The following FAM135A variants were observed in gnomAD, a reference collection of about 807,000 sequenced individuals.
FAM135A encodes family with sequence similarity 135 member A, also known as protein FAM135A.
A neutral mutation model predicts 146.8 loss-of-function variants in FAM135A; 79 were observed. That is an observed-to-expected ratio of 0.54 (90% CI 0.45 to 0.65). The LOEUF (loss-of-function observed/expected upper bound fraction) is 0.65. Ranked by LOEUF, FAM135A falls within the 30% of genes least tolerant of loss-of-function variation. The probability of loss-of-function intolerance (pLI) is 0.00; values close to 1 mark genes in which losing one functional copy is unlikely to be tolerated. For synonymous variants in FAM135A, 562 were observed against 603.6 expected (o/e 0.93, Z 1.01); for missense variants, 1,623 against 1,758.2 (o/e 0.92, Z 1.38).
intron 4 of FAM135A, among the ~76,000 whole-genome samples, chr6:70,430,819 GT>G (rs1253575796): frequency 1.3e-5 from 2 of 152,130 alleles, no homozygotes; most frequent in Non-Finnish European, 2.9e-5. Context: ...GCAAGTTCTA[GT>G]TGCTCTAGAT....
In FAM135A at chr6:70,552,073, G is replaced by C. The variant is rs1483679151; in HGVS notation, c.4229-4677G>C. ...AGTAAAGCAAAGTATAGTTAAACAAGGTATACCTGTATAAAACTGATTGCT... is the reference window on the plus strand; with the variant it reads ...AGTAAAGCAAAGTATAGTTAAACAACGTATACCTGTATAAAACTGATTGCT... On this transcript the variant is annotated intron_variant, in intron 20 of 21. Transcript: ENST00000418814. Among the ~76,000 whole-genome samples the C allele has an allele frequency of 3.9e-5, 6 of 152,134 alleles. No homozygotes were observed. The East Asian group carries it at 1.2e-3, about 29-fold the overall frequency.
At chr6:70,522,328 CT>C (rs936648550) in intron 12 of FAM135A, among the ~76,000 whole-genome samples, 184 bp from the exon 13 acceptor site, 18 of 151,864 alleles carry the variant, frequency 1.2e-4, no homozygotes, top group Admixed American at 1.1e-3. Flanking sequence ...TTTATATATG[CT>C]TTCCAGATTT....
intron 20 of FAM135A, among the ~76,000 whole-genome samples, chr6:70,540,655 C>G (rs998109122): frequency 6.6e-6 from 1 of 152,116 alleles, no homozygotes; most frequent in African/African-American, 2.4e-5. Flanking sequence ...AAGTCTCCCT[C>G]CCGTTCATGG....
rs143099081 is a variant in FAM135A, at chr6:70,444,569, GAAAA to G, written c.78-7921_78-7918del. Among the ~76,000 whole-genome samples the G allele has an allele frequency of 4.1e-3, 619 of 151,674 alleles. 3 individuals are homozygous for G. Among genetic ancestry groups the G allele is most frequent in the African/African-American group, 0.014 (599 of 41,400 alleles). Reference sequence around the variant, plus strand: ...GACAGAGTGAGACCTGTCTCAATAAGAAAAAGAATAAAAGAAAAAAATTTATTTA... The same window carrying G: ...GACAGAGTGAGACCTGTCTCAATAAGAGAATAAAAGAAAAAAATTTATTTA... On this transcript the variant is annotated intron_variant, in intron 4 of 21. Coordinates refer to ENST00000418814, the MANE Select transcript of FAM135A (RefSeq NM_001162529.3).
At position 70,560,148 on chromosome 6, in the gene FAM135A, A is replaced by T; in HGVS notation, c.*227A>T. The T allele has an allele frequency of 2.3e-6, 1 of 428,832 alleles. No homozygotes were observed. Among genetic ancestry groups the T allele is most frequent in the South Asian group, 3.2e-5 (1 of 31,708 alleles). The allele number at this position is 428,832 out of a possible 1,614,324, so 26.6% of individuals were successfully genotyped here. A position where few individuals can be genotyped will look rare whatever the true frequency, so the allele number is the denominator to read the frequency against. On this transcript the variant is annotated 3_prime_UTR_variant, in exon 22 of 22. Transcript: ENST00000418814. Reference sequence around the variant, plus strand: ...AATTTTATCTTTTTACTTTTCTATTACTTTTTCATATATTTTGCTACCTAA... The same window carrying T: ...AATTTTATCTTTTTACTTTTCTATTTCTTTTTCATATATTTTGCTACCTAA...
chr6:70,452,292 G>A (rs546145788), intron 4 of FAM135A, among the ~76,000 whole-genome samples, 200 bp from the exon 5 acceptor site: 115 of 151,740 alleles, frequency 7.6e-4, no homozygotes, highest in South Asian at 3.3e-3. Context: ...TATATATACT[G>A]GGTTTCTCTT....
At chr6:70,542,276 A>ACACACACACACACACACCCC (rs1242891663) in intron 20 of FAM135A, among the ~76,000 whole-genome samples, 4 of 149,014 alleles carry the variant, frequency 2.7e-5, no homozygotes, top group African/African-American at 9.9e-5. Context: ...ACACACACAC[A>ACACACACACACACACACCCC]CCCTTTGCTG....
intron 20 of FAM135A, among the ~76,000 whole-genome samples, chr6:70,555,729 G>C (rs1277744034): frequency 1.4e-5 from 2 of 141,690 alleles, no homozygotes; most frequent in African/African-American, 3.1e-5. Context: ...TGAGAATGAA[G>C]GGGGGGGAGT....
chr6:70,513,434 A>G (rs1260510280), intron 12 of FAM135A: 4 of 148,424 alleles, frequency 2.7e-5, no homozygotes, highest in African/African-American at 9.9e-5. Context: ...AGTTTACATT[A>G]AGTAAAATCT....
intron 7 of FAM135A, 139 bp downstream of exon 7, chr6:70,475,872 G>T: frequency 3.0e-6 from 2 of 669,912 alleles, no homozygotes; most frequent in Non-Finnish European, 4.9e-6. Flanking sequence ...GAAACTTCAT[G>T]AGAATGATTA....
intron 10 of FAM135A, 79 bp from the exon 11 acceptor site, chr6:70,490,955 C>T: frequency 2.0e-6 from 2 of 1,023,158 alleles, no homozygotes; most frequent in Non-Finnish European, 2.8e-6. Flanking sequence ...TCTTAATTTT[C>T]AGTTTTTTAT....
chr6:70,492,757 A>G, intron 11 of FAM135A, among the ~76,000 whole-genome samples: 1 of 151,760 alleles, frequency 6.6e-6, no homozygotes. Flanking sequence ...ACTGGAAACC[A>G]GGGGAATGCA....
At chr6:70,529,935 G>A (rs921339377) in intron 16 of FAM135A, among the ~76,000 whole-genome samples, 3 of 152,106 alleles carry the variant, frequency 2.0e-5, no homozygotes, top group African/African-American at 2.4e-5. Context: ...GTGGTGGCGG[G>A]CGCCTGTAGT....
intron 12 of FAM135A, among the ~76,000 whole-genome samples, chr6:70,511,130 T>C (rs577677510): frequency 1.3e-3 from 193 of 152,102 alleles, no homozygotes; most frequent in Non-Finnish European, 2.3e-3. Context: ...AATTGGGTTG[T>C]TTGTCTTTTT....
At chr6:70,485,224 G>A (rs1784394166) in intron 10 of FAM135A, among the ~76,000 whole-genome samples, 1 of 151,944 alleles carries the variant, frequency 6.6e-6, no homozygotes, top group South Asian at 2.1e-4. Context: ...AAAAGTATAG[G>A]CATCAACATA....
intron 2 of FAM135A, chr6:70,417,536 G>A: frequency 1.2e-6 from 1 of 842,028 alleles, no homozygotes; most frequent in African/African-American, 1.8e-5. Flanking sequence ...TTTCTGTTAA[G>A]TGTTATGAAA....
Position 70,445,999 on chromosome 6 carries a change from A to G in FAM135A, c.78-6493A>G, listed in dbSNP as rs191057906. Among the ~76,000 whole-genome samples the G allele has an allele frequency of 2.5e-3, 388 of 152,360 alleles. 2 individuals are homozygous for G. Among genetic ancestry groups the G allele is most frequent in the Non-Finnish European group, 4.4e-3 (301 of 68,038 alleles). ...ACAAACAACACAGATTAAAAGCACA[A>G]TCATCATTGAAATCACAGAGCTTCC... is the stretch of plus-strand genomic sequence containing the variant. On this transcript the variant is annotated intron_variant, in intron 4 of 21. Transcript: ENST00000418814.
At chr6:70,528,579 T>A in intron 16 of FAM135A, 127 bp downstream of exon 16, 1 of 755,052 alleles carries the variant, frequency 1.3e-6, no homozygotes, top group Non-Finnish European at 1.9e-6. Context: ...AATTGAATCT[T>A]AAATGCATTC....
At position 70,533,215 on chromosome 6, in the gene FAM135A, G is replaced by T; in HGVS notation, c.3831G>T (p.Gly1277=). Residue 1277 remains glycine, a synonymous_variant, in exon 17 of 22, where the codon GGG becomes GGT. Transcript: ENST00000418814. ...CTTACATTGAACTTGGATTGCCTGG[G>T]GGAAGAATTGATTTTCTTATGTCTG... ...VKTYIELGLP[G]GRIDFLMSER... 6.2e-7 allele frequency: 1 copy of T among 1,613,256 alleles called. No individual in the cohort carries two copies. Among genetic ancestry groups the T allele is most frequent in the Non-Finnish European group, 8.5e-7 (1 of 1,179,582 alleles).
Sources: gnomAD v4.1 joint callset for allele counts (sites outside exome capture counted in the v4.1 genomes callset) on GRCh38, gnomAD v4.1.1 for gene constraint, MANE v1.5 for transcripts, NCBI Gene and HGNC (gene_info 2026-07-23, HGNC 2026-07-21) for gene names.